EXOC2: variants seen among roughly 807,000 people sequenced by gnomAD.
The protein encoded by EXOC2 is SEC5-like 1.
Under a neutral mutation model 131.8 loss-of-function variants are expected in EXOC2, and 70 were observed. The observed-to-expected ratio is 0.53, with a 90% CI of 0.44 to 0.65. EXOC2 has a LOEUF of 0.65. EXOC2 is among the 30% of genes least tolerant of loss of function. The pLI is 0.00. For synonymous variants in EXOC2, 411 were observed against 398.4 expected, an observed-to-expected ratio of 1.03 and a Z score of -0.38; for missense variants, 923 against 1,108.6, an observed-to-expected ratio of 0.83 and a Z score of 2.38.
intron 1 of EXOC2, among the ~76,000 whole-genome samples, chr6:647,962 C>G (rs959180520): frequency 1.3e-5 from 2 of 152,028 alleles, no homozygotes; most frequent in African/African-American, 4.8e-5. Flanking sequence ...ACGCACAAAG[C>G]AGACAACTGA....
intron 1 of EXOC2, among the ~76,000 whole-genome samples, chr6:685,394 A>C (rs564525008): frequency 6.6e-6 from 1 of 152,362 alleles, no homozygotes; most frequent in South Asian, 2.1e-4. Context: ...AAATCTTTCT[A>C]GAGTCAGGCC....
rs148806289 is a variant in EXOC2, at chr6:687,902, T to C, written c.-44+5117A>G. On this transcript the variant is annotated intron_variant, in intron 1 of 27. Transcript: ENST00000230449. ...CAAGGGAGGATTCTAGTTTTTTCTG[T>C]TTTACTTTATTCTTGTCTGTCTCTA... 1.2e-4 allele frequency among the ~76,000 whole-genome samples: 18 copies of C among 152,342 alleles called. 1 individual carries two copies. In the East Asian group the frequency reaches 3.5e-3, roughly 29 times the overall value.
At chr6:640,872 C>T (rs80327223) in intron 1 of EXOC2, among the ~76,000 whole-genome samples, 3 of 134,386 alleles carry the variant, frequency 2.2e-5, no homozygotes, top group Middle Eastern at 3.9e-3. Context: ...TACCAAACTA[C>T]TAACAGCAGG....
In EXOC2 at chr6:592,506, C is replaced by A; in HGVS notation, c.1155G>T (p.Met385Ile). 6.2e-7 allele frequency: 1 copy of A among 1,614,046 alleles called. No homozygotes were observed. The highest frequency in any genetic ancestry group is 1.1e-5 in the South Asian group (1 of 91,086). Residue 385 changes from methionine (M) to isoleucine (I), a missense_variant, in exon 11 of 28, where the codon ATG becomes ATT. By Grantham distance (10) the Met-to-Ile change is conservative (BLOSUM62 1). Transcript: ENST00000230449. ...GAQHKWILQL[M>I]HSCKEGYVKD... ...TCACGTAGCCCTCTTTGCAACTGTG[C>A]ATGAGCTGAAGGATCCACTTGTGTT...
Position 544,517 on chromosome 6 carries a change from A to G in EXOC2, c.2238+4658T>C, listed in dbSNP as rs1045815919. On this transcript the variant is annotated intron_variant, in intron 22 of 27. Coordinates refer to ENST00000230449, the MANE Select transcript of EXOC2 (RefSeq NM_018303.6). ...CAGATTAAGTTACAACTTATTTATT[A>G]TATAAAATAGCCTGTAAACAAAATT... Among the ~76,000 whole-genome samples the G allele has an allele frequency of 9.2e-5, 14 of 152,226 alleles. 1 individual carries two copies. The highest frequency in any genetic ancestry group is 3.4e-4 in the African/African-American group (14 of 41,450).
At chr6:660,728 G>A (rs966135664) in intron 1 of EXOC2, among the ~76,000 whole-genome samples, 1 of 152,162 alleles carries the variant, frequency 6.6e-6, no homozygotes, top group African/African-American at 2.4e-5. Context: ...CCGGTAATAT[G>A]ACAAAACAAG....
At chr6:627,123 A>C (rs549041177) in intron 4 of EXOC2, among the ~76,000 whole-genome samples, 2 of 152,232 alleles carry the variant, frequency 1.3e-5, no homozygotes, top group South Asian at 4.2e-4. Context: ...TCAGCAAAAT[A>C]AAACCCACAT....
At chr6:505,838 G>A (rs1269752901) in intron 23 of EXOC2, among the ~76,000 whole-genome samples, 1 of 152,220 alleles carries the variant, frequency 6.6e-6, no homozygotes, top group Non-Finnish European at 1.5e-5. Flanking sequence ...AAATATCCGT[G>A]AATGACAAAC....
intron 8 of EXOC2, 62 bp from the exon 9 acceptor site, chr6:599,003 T>C: frequency 6.4e-7 from 1 of 1,562,762 alleles, no homozygotes; most frequent in Non-Finnish European, 8.7e-7. Flanking sequence ...ATTTGGTTAA[T>C]ATAAAAAACA....
At chr6:546,826 G>T (rs1346312742) in intron 22 of EXOC2, among the ~76,000 whole-genome samples, 1 of 152,214 alleles carries the variant, frequency 6.6e-6, no homozygotes, top group Non-Finnish European at 1.5e-5. Context: ...GCCAACAGGA[G>T]GCTACTAGTA....
chr6:537,823 G>C (rs971880344), intron 22 of EXOC2, among the ~76,000 whole-genome samples: 13 of 152,218 alleles, frequency 8.5e-5, no homozygotes, highest in Admixed American at 5.9e-4. Context: ...AAAGAAGCCA[G>C]ATACAAAAGA....
chr6:489,498 A>G (rs1169258957), intron 26 of EXOC2, among the ~76,000 whole-genome samples: 1 of 152,244 alleles, frequency 6.6e-6, no homozygotes, highest in African/African-American at 2.4e-5. Flanking sequence ...TGTAATAATT[A>G]CAGTCTACTT....
Position 556,463 on chromosome 6 carries a change from AAGCGG to A in EXOC2, c.1932+16_1932+20del. 1 of 1,612,350 alleles carries A rather than the reference AAGCGG, an allele frequency of 6.2e-7. No individual in the cohort carries two copies. Among genetic ancestry groups the A allele is most frequent in the East Asian group, 2.2e-5 (1 of 44,880 alleles). On this transcript the variant is annotated intron_variant, in intron 18 of 27. Coordinates refer to ENST00000230449, the MANE Select transcript of EXOC2 (RefSeq NM_018303.6). ...AAGGCTCCCTGGGAAACTGGAGTCC[AAGCGG>A]AGCTGGAATACTTACACTGGCCTCT...
chr6:605,747 T>G (rs1053444727), intron 7 of EXOC2, among the ~76,000 whole-genome samples: 2 of 152,220 alleles, frequency 1.3e-5, no homozygotes, highest in African/African-American at 4.8e-5. Flanking sequence ...CTGCTCGCTT[T>G]TGAATGTGTT....
chr6:680,693 G>A (rs190485479), intron 1 of EXOC2, among the ~76,000 whole-genome samples: 1 of 152,218 alleles, frequency 6.6e-6, no homozygotes, highest in East Asian at 1.9e-4. Flanking sequence ...ATTTTTTTGG[G>A]CTGGGGGTGG....
intron 17 of EXOC2, among the ~76,000 whole-genome samples, chr6:557,981 C>T (rs1757513108): frequency 6.6e-6 from 1 of 152,010 alleles, no homozygotes; most frequent in Non-Finnish European, 1.5e-5. Flanking sequence ...AACATGAGCA[C>T]AGGTCTTGAG....
In EXOC2 at chr6:529,121, C is replaced by A. The variant is rs1003692288; in HGVS notation, c.2380+3348G>T. ...CCCGGCATCGCCTGCCTTTTACCCC[C>A]CCCCGCGCCCTGGTTACTGCTCACT... is the stretch of plus-strand genomic sequence containing the variant. On this transcript the variant is annotated intron_variant, in intron 23 of 27. Transcript: ENST00000230449. Among the ~76,000 whole-genome samples, 9 of 142,178 alleles carry A rather than the reference C, an allele frequency of 6.3e-5. No individual in the cohort carries two copies. In the South Asian group the frequency reaches 1.2e-3, roughly 20 times the overall value. 93.3% of individuals were successfully genotyped at this position (142,178 alleles called of 152,430 possible).
At chr6:664,001 TTGC>T (rs748110286) in intron 1 of EXOC2, among the ~76,000 whole-genome samples, 62 of 152,320 alleles carry the variant, frequency 4.1e-4, no homozygotes, top group South Asian at 1.5e-3. Flanking sequence ...CTGTCACTGT[TTGC>T]TGAAGATATT....
In EXOC2 at chr6:528,244, G is replaced by A. The variant is rs115444009; in HGVS notation, c.2380+4225C>T. Among the ~76,000 whole-genome samples, 1,322 of 151,432 alleles carry A rather than the reference G, an allele frequency of 8.7e-3. 13 individuals carry two copies. The highest frequency in any genetic ancestry group is 0.015 in the African/African-American group (599 of 41,280). ...TTTTTTAATCACTACATACAGTATCGGAAACTAAATTTATTGGTAACTACA... is the reference window on the plus strand; with the variant it reads ...TTTTTTAATCACTACATACAGTATCAGAAACTAAATTTATTGGTAACTACA... On this transcript the variant is annotated intron_variant, in intron 23 of 27. Transcript: ENST00000230449.
Sources: gnomAD v4.1 joint callset for allele counts (sites outside exome capture counted in the v4.1 genomes callset) on GRCh38, gnomAD v4.1.1 for gene constraint, MANE v1.5 for transcripts, NCBI Gene and HGNC (gene_info 2026-07-23, HGNC 2026-07-21) for gene names.